Variants in DDX6 observed in about 807,000 individuals in gnomAD.
DDX6 encodes DEAD-box helicase 6, also known as probable ATP-dependent RNA helicase DDX6.
In DDX6, 7 loss-of-function variants were observed where a neutral mutation model predicts 60.6. The observed-to-expected ratio is 0.12, with a 90% CI of 0.07 to 0.22. The LOEUF is 0.22. Ranked by LOEUF, DDX6 falls within the 10% of genes least tolerant of loss-of-function variation. DDX6 has a pLI of 1.00. For synonymous variants in DDX6, 207 were observed against 201.0 expected, an observed-to-expected ratio of 1.03 and a Z score of -0.25; for missense variants, 270 against 589.9, an observed-to-expected ratio of 0.46 and a Z score of 5.62.
chr11:118,750,956 T>C lies in DDX6; in HGVS notation c.*1149A>G, dbSNP rs1485021557. 1.3e-5 allele frequency: 2 copies of C among 152,156 alleles called. No homozygotes were observed. The highest frequency in any genetic ancestry group is 2.4e-5 in the African/African-American group (1 of 41,268). 9.4% of individuals were successfully genotyped at this position (152,156 alleles called of 1,614,324 possible). A position where few individuals can be genotyped will look rare whatever the true frequency, so the allele number is the denominator to read the frequency against. On this transcript the variant is annotated 3_prime_UTR_variant, in exon 14 of 14. Coordinates refer to ENST00000534980, the MANE Select transcript of DDX6 (RefSeq NM_004397.6). ...TACAGCACGAGGCCAAAGTACTTTC[T>C]AGAATTTAGTGTTGCGTAAAACTGA...
intron 4 of DDX6, among the ~76,000 whole-genome samples, chr11:118,772,644 C>G (rs960021428): frequency 5.9e-5 from 9 of 152,118 alleles, no homozygotes; most frequent in Non-Finnish European, 1.3e-4. Context: ...ATTTATATCT[C>G]AATAAAGCTA....
In DDX6 at chr11:118,779,753, GAAC is replaced by G. The variant is rs782437123; in HGVS notation, c.265-20_265-18del. On this transcript the variant is annotated intron_variant, in intron 3 of 13. Transcript: ENST00000534980. ...GGTCACATCCTAGTCAAACAAAAAGGAACAATAAAAGAATAAATAACACTGTTG... is the reference window on the plus strand; with the variant it reads ...GGTCACATCCTAGTCAAACAAAAAGGAATAAAAGAATAAATAACACTGTTG... 8 of 1,544,722 alleles carry G rather than the reference GAAC, an allele frequency of 5.2e-6. No individual in the cohort carries two copies. The African/African-American group carries it at 6.8e-5, about 13-fold the overall frequency.
chr11:118,780,613 G>A (rs528129638), intron 3 of DDX6, among the ~76,000 whole-genome samples: 19 of 152,266 alleles, frequency 1.2e-4, no homozygotes, highest in East Asian at 1.9e-4. Context: ...CACTGTGCCC[G>A]GCCCTTGGTC....
intron 7 of DDX6, among the ~76,000 whole-genome samples, chr11:118,760,911 G>A (rs924843821): frequency 3.9e-5 from 6 of 152,026 alleles, no homozygotes; most frequent in Non-Finnish European, 7.4e-5. Flanking sequence ...AGGACCAGGC[G>A]GGCGGATCAC....
chr11:118,786,410 T>C lies in DDX6; in HGVS notation c.-159A>G. ...TGCAATGCAGGCAAGCACCTGTAAG[T>C]CTCTGAACGGTAAGCAGCAGTAACT... On this transcript the variant is annotated 5_prime_UTR_variant, in exon 2 of 14. Transcript: ENST00000534980. 2 of 524,666 alleles carry C rather than the reference T, an allele frequency of 3.8e-6. No homozygotes were observed. The highest frequency in any genetic ancestry group is 6.4e-6 in the Non-Finnish European group (2 of 310,850). The allele number at this position is 524,666 out of a possible 1,614,324, so 32.5% of individuals were successfully genotyped here.
chr11:118,770,128 C>T (rs1254559080), intron 4 of DDX6, among the ~76,000 whole-genome samples: 4 of 151,808 alleles, frequency 2.6e-5, no homozygotes, highest in African/African-American at 7.3e-5. Context: ...CTGGTTCAGG[C>T]GATTCTCCTG....
At chr11:118,783,789 AGAGT>A (rs1380255405) in intron 2 of DDX6, among the ~76,000 whole-genome samples, 8 of 125,680 alleles carry the variant, frequency 6.4e-5, no homozygotes, top group Non-Finnish European at 1.2e-4. Context: ...CCTGGGCAAC[AGAGT>A]GAGTGAGAGT....
At chr11:118,754,551 C>A (rs1216132542) in intron 13 of DDX6, 154 bp downstream of exon 13, 9 of 626,198 alleles carry the variant, frequency 1.4e-5, no homozygotes. Context: ...ACTACAACCT[C>A]CCACAAGAGA....
At chr11:118,783,274 G>T (rs1212595819) in intron 2 of DDX6, among the ~76,000 whole-genome samples, 1 of 152,054 alleles carries the variant, frequency 6.6e-6, no homozygotes, top group African/African-American at 2.4e-5. Flanking sequence ...CCCCAAATCA[G>T]AATTTATTTT....
intron 9 of DDX6, among the ~76,000 whole-genome samples, chr11:118,758,229 A>G (rs1233847560): frequency 6.6e-6 from 1 of 152,254 alleles, no homozygotes; most frequent in Non-Finnish European, 1.5e-5. Flanking sequence ...GAATATGTGA[A>G]TAATGAGGAT....
chr11:118,757,718 GTAGC>G (rs1861026755), intron 9 of DDX6, among the ~76,000 whole-genome samples: 1 of 152,070 alleles, frequency 6.6e-6, no homozygotes, highest in South Asian at 2.1e-4. Flanking sequence ...AGCCTCTTGA[GTAGC>G]TGGGATTACA....
chr11:118,754,515 A>G (rs1041943033), intron 13 of DDX6, 190 bp downstream of exon 13: 26 of 481,986 alleles, frequency 5.4e-5, no homozygotes, highest in Non-Finnish European at 9.0e-5. Context: ...GCATTCAAGA[A>G]CAACATTTAC....
At chr11:118,775,106 G>C (rs2137508216) in intron 4 of DDX6, among the ~76,000 whole-genome samples, 1 of 152,232 alleles carries the variant, frequency 6.6e-6, no homozygotes, top group Non-Finnish European at 1.5e-5. Flanking sequence ...CCTGAGGTCA[G>C]GAGTTCAAGA....
chr11:118,754,493 A>C, intron 13 of DDX6: 1 of 462,972 alleles, frequency 2.2e-6, no homozygotes, highest in Non-Finnish European at 3.8e-6. Context: ...CTACCACATT[A>C]CCCGGGAAGC....
intron 10 of DDX6, among the ~76,000 whole-genome samples, 165 bp from the exon 11 acceptor site, chr11:118,756,488 G>A (rs1305920387): frequency 1.3e-5 from 2 of 152,078 alleles, no homozygotes; most frequent in Non-Finnish European, 1.5e-5. Flanking sequence ...TGATATCTTC[G>A]TCTACAGAAA....
intron 11 of DDX6, among the ~76,000 whole-genome samples, chr11:118,756,039 A>G (rs2137418776): frequency 7.8e-6 from 1 of 127,588 alleles, no homozygotes; most frequent in East Asian, 2.6e-4. Flanking sequence ...CAAAAAAAAG[A>G]CAGAGATGAG....
At chr11:118,760,187 A>G in intron 7 of DDX6, 143 bp from the exon 8 acceptor site, 2 of 796,168 alleles carry the variant, frequency 2.5e-6, no homozygotes, top group Non-Finnish European at 3.8e-6. Context: ...TCTCTCCAAC[A>G]CTGCAGAGAG....
At chr11:118,790,332 A>G (rs763974734) in intron 1 of DDX6, 2 of 152,108 alleles carry the variant, frequency 1.3e-5, no homozygotes, top group African/African-American at 2.4e-5. Flanking sequence ...AATATGAGCC[A>G]GCAACCGCTC....
intron 6 of DDX6, among the ~76,000 whole-genome samples, chr11:118,764,100 GC>G (rs1861268044): frequency 6.6e-6 from 1 of 152,054 alleles, no homozygotes; most frequent in Admixed American, 6.6e-5. Context: ...TGACATAAGA[GC>G]AATGCCTCTA....
Sources: allele counts gnomAD v4.1 joint callset (sites outside exome capture counted in the v4.1 genomes callset), GRCh38; gene constraint gnomAD v4.1.1; transcripts MANE v1.5; gene names NCBI Gene and HGNC (gene_info 2026-07-23, HGNC 2026-07-21).